The following ZFYVE26 variants were observed in gnomAD, a reference collection of about 807,000 sequenced individuals.
ZFYVE26 encodes zinc finger FYVE domain-containing protein 26.
ZFYVE26 carries 181 observed loss-of-function variants against 276.5 expected under a neutral mutation model. That is an observed-to-expected ratio of 0.65 (90% CI 0.58 to 0.74). The LOEUF (loss-of-function observed/expected upper bound fraction) is 0.74. Ranked by LOEUF, ZFYVE26 falls within the 30% of genes least tolerant of loss-of-function variation. The pLI is 0.00. For synonymous variants in ZFYVE26, 1,129 were observed against 1,203.1 expected (o/e 0.94, Z 1.27); for missense variants, 2,821 against 3,097.9 (o/e 0.91, Z 2.12).
Position 67,783,528 on chromosome 14 carries a change from G to C in ZFYVE26, c.3627-3C>G. ...CTTGGGCCAGAAGGGCTGCCAGTCT[G>C]GAAGGAGAGAAGCAGAAAGCATACA... On this transcript the variant is annotated splice_polypyrimidine_tract_variant and splice_region_variant and intron_variant, in intron 20 of 41. Transcript: ENST00000347230. 1 of 1,611,928 alleles carries C rather than the reference G, an allele frequency of 6.2e-7. No individual in the cohort carries two copies. Among genetic ancestry groups the C allele is most frequent in the Non-Finnish European group, 8.5e-7 (1 of 1,179,980 alleles).
Position 67,729,405 on chromosome 14 carries a change from TCCA to T in ZFYVE26, n.3091_3093del, listed in dbSNP as rs758407015. On this transcript the variant is annotated non_coding_transcript_exon_variant, in exon 14 of 15. Coordinates refer to the ZFYVE26 transcript ENST00000394455. ...GGTGTGTGAAGGCAATGCGGTTCTC[TCCA>T]CCACCTGTGTGCATGGGAGGTGCCG... 7 of 1,593,660 alleles carry T rather than the reference TCCA, an allele frequency of 4.4e-6. No individual in the cohort carries two copies. The East Asian group carries it at 1.3e-4, about 30-fold the overall frequency.
At chr14:67,730,229 A>C (rs2038251777) in intron 13 of ZFYVE26, among the ~76,000 whole-genome samples, 1 of 152,184 alleles carries the variant, frequency 6.6e-6, no homozygotes, top group Non-Finnish European at 1.5e-5. Flanking sequence ...AAAGTCATAT[A>C]GCTTATAAGT....
At chr14:67,794,374 C>A in intron 12 of ZFYVE26, 135 bp from the exon 13 acceptor site, 1 of 885,418 alleles carries the variant, frequency 1.1e-6, no homozygotes, top group South Asian at 1.3e-5. Context: ...CCTGCTGCTC[C>A]TTCTACAGCA....
intron 13 of ZFYVE26, 145 bp from the exon 14 acceptor site, chr14:67,793,904 G>A: frequency 8.3e-7 from 1 of 1,197,878 alleles, no homozygotes; most frequent in Non-Finnish European, 1.2e-6. Context: ...TTCCTCAAAT[G>A]AAGGGCAAAC....
At chr14:67,806,767 GCT>G in intron 5 of ZFYVE26, 92 bp from the exon 6 acceptor site, 1 of 1,526,076 alleles carries the variant, frequency 6.6e-7, no homozygotes, top group Non-Finnish European at 9.0e-7. Context: ...GTGAGAGTTT[GCT>G]CTTTTAAAAA....
At chr14:67,771,153 G>A (rs889246555) in intron 28 of ZFYVE26, among the ~76,000 whole-genome samples, 22 of 152,146 alleles carry the variant, frequency 1.4e-4, no homozygotes, top group East Asian at 9.7e-4. Flanking sequence ...AGTACACTCC[G>A]TGTCTGTTGT....
intron 13 of ZFYVE26, chr14:67,735,489 G>C: frequency 1.7e-6 from 1 of 572,176 alleles, no homozygotes; most frequent in Non-Finnish European, 3.1e-6. Flanking sequence ...GACACCGTTC[G>C]ACCTTCCCAT....
In ZFYVE26 at chr14:67,778,223, C is replaced by T. The variant is rs1163776788; in HGVS notation, c.4700G>A (p.Gly1567Asp). The T allele has an allele frequency of 1.2e-6, 2 of 1,614,142 alleles. No individual in the cohort carries two copies. The highest frequency in any genetic ancestry group is 2.2e-5 in the South Asian group (2 of 91,086). The change falls in exon 24 of 42, where the codon GGC becomes GAC. Residue 1567 changes from glycine to aspartate, a missense_variant. Transcript: ENST00000347230. ...TTCTCTTGGAATGGGGTACAGGCAG[C>T]CCCACTCTTCACACAGTTCATACTC... Reference protein sequence around the residue: ...AQEYELCEEWGCLYPIPREHL... With the variant: ...AQEYELCEEWDCLYPIPREHL...
chr14:67,794,036 C>T lies in ZFYVE26; in HGVS notation c.2401+135G>A, dbSNP rs557298672. On this transcript the variant is annotated intron_variant, in intron 13 of 41. Transcript: ENST00000347230. ...AATGAAACAGTCCTTTCCCTTCTCCCAGCTAAAATCTGGCCATCTGCCAAC... is the reference window on the plus strand; with the variant it reads ...AATGAAACAGTCCTTTCCCTTCTCCTAGCTAAAATCTGGCCATCTGCCAAC... 41 of 1,018,228 alleles carry T rather than the reference C, an allele frequency of 4.0e-5. No individual in the cohort carries two copies. In the African/African-American group the frequency reaches 5.2e-4, roughly 13 times the overall value. The allele number at this position is 1,018,228 out of a possible 1,614,324, so 63.1% of individuals were successfully genotyped here. A position where few individuals can be genotyped will look rare whatever the true frequency, so the allele number is the denominator to read the frequency against.
At chr14:67,811,026 C>T (rs2040289534) in intron 3 of ZFYVE26, among the ~76,000 whole-genome samples, 1 of 152,174 alleles carries the variant, frequency 6.6e-6, no homozygotes, top group South Asian at 2.1e-4. Flanking sequence ...CTTATTTCTT[C>T]TAACCATGTA....
At position 67,806,649 on chromosome 14, in the gene ZFYVE26, G is replaced by C; in HGVS notation, c.913C>G (p.Arg305Gly). The C allele has an allele frequency of 6.2e-7, 1 of 1,614,188 alleles. No homozygotes were observed. Among genetic ancestry groups the C allele is most frequent in the Non-Finnish European group, 8.5e-7 (1 of 1,180,006 alleles). Residue 305 changes from arginine to glycine, a missense_variant, in exon 6 of 42, where the codon CGG becomes GGG. By Grantham distance (125) the Arg-to-Gly change is moderately radical. Transcript: ENST00000347230. ...TTGGAGAACAGGGCTAGCATTGCCC[G>C]CTCAGGATCTAGATGATCCGGTGAG... Reference protein sequence around the residue: ...KVSPDHLDPERAMLALFSNPN... With the variant: ...KVSPDHLDPEGAMLALFSNPN...
At chr14:67,745,900 A>G (rs1222355948), downstream of ZFYVE26, among the ~76,000 whole-genome samples, 1 of 128,024 alleles carries the variant, frequency 7.8e-6, no homozygotes, top group Non-Finnish European at 1.6e-5. Flanking sequence ...ACTGCACTCC[A>G]GCCTGGGTGA....
intron 2 of ZFYVE26, among the ~76,000 whole-genome samples, chr14:67,814,577 C>CTTCATAAA (rs1264748824): frequency 1.3e-5 from 2 of 152,046 alleles, no homozygotes; most frequent in Admixed American, 6.6e-5. Flanking sequence ...ACAGAGCTAG[C>CTTCATAAA]AGCTTTCATA....
intron 16 of ZFYVE26, among the ~76,000 whole-genome samples, chr14:67,787,688 A>T (rs551031758): frequency 1.3e-3 from 197 of 152,320 alleles, no homozygotes; most frequent in African/African-American, 4.6e-3. Context: ...ATTTTAGGAT[A>T]TAAGTATTAG....
Position 67,768,414 on chromosome 14 carries a change from G to A in ZFYVE26, c.5653+103C>T, listed in dbSNP as rs2140202274. The A allele has an allele frequency of 5.4e-6, 7 of 1,299,766 alleles. No homozygotes were observed. In the East Asian group the frequency reaches 9.2e-5, roughly 17 times the overall value. The allele number at this position is 1,299,766 out of a possible 1,614,324, so 80.5% of individuals were successfully genotyped here. ...TGCTTTGGCAAACAAGTTGGATGGAGTGCATAAGTTGGACAAGTATATCAG... is the reference window on the plus strand; with the variant it reads ...TGCTTTGGCAAACAAGTTGGATGGAATGCATAAGTTGGACAAGTATATCAG... On this transcript the variant is annotated intron_variant, in intron 30 of 41. Coordinates refer to ENST00000347230, the MANE Select transcript of ZFYVE26 (RefSeq NM_015346.4).
chr14:67,790,449 G>T, intron 15 of ZFYVE26, 123 bp downstream of exon 15: 1 of 1,062,794 alleles, frequency 9.4e-7, no homozygotes, highest in Non-Finnish European at 1.4e-6. Context: ...GTTTTTCAAG[G>T]CAGGTGTCCT....
At chr14:67,795,224 A>C (rs2039925794) in intron 12 of ZFYVE26, among the ~76,000 whole-genome samples, 1 of 152,222 alleles carries the variant, frequency 6.6e-6, no homozygotes, top group African/African-American at 2.4e-5. Flanking sequence ...TGAATGGGTC[A>C]AGTGGATGCA....
At chr14:67,767,880 G>T in intron 30 of ZFYVE26, 40 bp from the exon 31 acceptor site, 1 of 1,613,856 alleles carries the variant, frequency 6.2e-7, no homozygotes, top group South Asian at 1.1e-5. Flanking sequence ...TTCACTGGCT[G>T]GCAGTTCAGT....
At chr14:67,757,978 G>A (rs571907926) in intron 35 of ZFYVE26, among the ~76,000 whole-genome samples, 2 of 152,238 alleles carry the variant, frequency 1.3e-5, no homozygotes, top group Non-Finnish European at 2.9e-5. Context: ...GCCTCCCAGA[G>A]TGCTGGGATT....
Sources: allele counts gnomAD v4.1 joint callset (sites outside exome capture counted in the v4.1 genomes callset), GRCh38; gene constraint gnomAD v4.1.1; transcripts MANE v1.5; gene names NCBI Gene and HGNC (gene_info 2026-07-23, HGNC 2026-07-21).